The following MTSS1 variants were observed in gnomAD, a reference collection of about 807,000 sequenced individuals.
The protein encoded by MTSS1 is MTSS I-BAR domain containing 1.
A neutral mutation model predicts 79.0 loss-of-function variants in MTSS1; 18 were observed. The ratio of observed to expected loss-of-function variants is 0.23; its 90% confidence interval spans 0.16 to 0.34. The LOEUF (loss-of-function observed/expected upper bound fraction) is 0.34. Among genes scored for constraint, MTSS1 ranks in the 10% least tolerant of loss-of-function variants. The pLI is 1.00. For missense variants in MTSS1, 815 were observed against 986.2 expected (o/e 0.83, Z 2.33); for synonymous variants, 341 against 368.6 (o/e 0.93, Z 0.86).
intron 6 of MTSS1, among the ~76,000 whole-genome samples, chr8:124,570,994 G>T (rs1331012290): frequency 3.3e-5 from 5 of 152,088 alleles, no homozygotes; most frequent in Non-Finnish European, 2.9e-5. Flanking sequence ...TTTTCAAGGT[G>T]ACCCACTCAC....
intron 7 of MTSS1, 53 bp downstream of exon 7, chr8:124,568,326 A>G: frequency 6.4e-7 from 1 of 1,567,504 alleles, no homozygotes; most frequent in Non-Finnish European, 8.6e-7. Flanking sequence ...AATTAGAAGG[A>G]AGCCACCTCT....
chr8:124,658,018 C>T (rs935445241), intron 3 of MTSS1, among the ~76,000 whole-genome samples: 1 of 152,268 alleles, frequency 6.6e-6, no homozygotes, highest in Middle Eastern at 3.4e-3. Flanking sequence ...GATGATCTCT[C>T]CCTCCACCAC....
intron 1 of MTSS1, among the ~76,000 whole-genome samples, chr8:124,711,367 T>A (rs1831134446): frequency 6.6e-6 from 1 of 152,188 alleles, no homozygotes; most frequent in African/African-American, 2.4e-5. Flanking sequence ...GCTGTTATTT[T>A]AGAGCTGAGG....
intron 3 of MTSS1, among the ~76,000 whole-genome samples, chr8:124,663,536 T>C (rs1472192542): frequency 6.7e-6 from 1 of 149,894 alleles, no homozygotes; most frequent in African/African-American, 2.5e-5. Flanking sequence ...AGGTCAAGAG[T>C]AGAACCGTCC....
chr8:124,574,145 A>G (rs567307675), intron 6 of MTSS1, among the ~76,000 whole-genome samples: 1 of 152,198 alleles, frequency 6.6e-6, no homozygotes, highest in African/African-American at 2.4e-5. Context: ...GGGTTTTACT[A>G]TGTTGGCCAG....
chr8:124,715,537 G>T (rs948304775), intron 1 of MTSS1, among the ~76,000 whole-genome samples: 5 of 152,142 alleles, frequency 3.3e-5, no homozygotes, highest in African/African-American at 1.2e-4. Context: ...CCACGAAGCA[G>T]ATTTCCCCTT....
chr8:124,703,799 G>C (rs1056756162), intron 2 of MTSS1, among the ~76,000 whole-genome samples: 3 of 152,180 alleles, frequency 2.0e-5, no homozygotes, highest in Admixed American at 6.5e-5. Flanking sequence ...GGGGTTATGA[G>C]ATTTAAACAA....
Position 124,728,036 on chromosome 8 carries a change from G to A in MTSS1, c.-81C>T, listed in dbSNP as rs1285973816. 4 of 1,319,584 alleles carry A rather than the reference G, an allele frequency of 3.0e-6. No individual in the cohort carries two copies. The highest frequency in any genetic ancestry group is 3.2e-6 in the Non-Finnish European group (3 of 934,524). The allele number at this position is 1,319,584 out of a possible 1,614,324, so 81.7% of individuals were successfully genotyped here. A position where few individuals can be genotyped will look rare whatever the true frequency, so the allele number is the denominator to read the frequency against. On this transcript the variant is annotated 5_prime_UTR_variant, in exon 1 of 14. Coordinates refer to ENST00000518547, the MANE Select transcript of MTSS1 (RefSeq NM_014751.6). This position sits in a 1 kb window ranked among gnomAD's most constrained non-coding sequence, Gnocchi z 6.1. ...GGGCCGGGGCTCGCTCACCCCAGAA[G>A]GAATTTCACCTTCCGAGAGACCCAC...
chr8:124,694,231 A>G (rs1828427468), intron 3 of MTSS1, among the ~76,000 whole-genome samples: 1 of 152,050 alleles, frequency 6.6e-6, no homozygotes, highest in Admixed American at 6.6e-5. Context: ...AGCGGACGAC[A>G]CACTCCCTCT....
chr8:124,658,383 C>T (rs1821375807), intron 3 of MTSS1, among the ~76,000 whole-genome samples: 1 of 152,206 alleles, frequency 6.6e-6, no homozygotes, highest in African/African-American at 2.4e-5. Context: ...AAGTGCCTTT[C>T]ATCTTCTACC....
At chr8:124,630,083 G>T (rs1191876699) in intron 3 of MTSS1, among the ~76,000 whole-genome samples, 1 of 152,184 alleles carries the variant, frequency 6.6e-6, no homozygotes, top group African/African-American at 2.4e-5. Context: ...TTGTAAAATT[G>T]CTTAAAACTT....
chr8:124,558,127 T>C (rs1824421850), intron 10 of MTSS1: 1 of 416,450 alleles, frequency 2.4e-6, no homozygotes, highest in Non-Finnish European at 4.3e-6. Context: ...AGTTTGGAAA[T>C]TGATCAGTGC....
At chr8:124,643,863 G>A (rs1311460152) in intron 3 of MTSS1, among the ~76,000 whole-genome samples, 1 of 152,032 alleles carries the variant, frequency 6.6e-6, no homozygotes, top group Non-Finnish European at 1.5e-5. Context: ...CAAAATTACA[G>A]GTAACTTTTA....
chr8:124,629,182 A>C (rs1333202385), intron 3 of MTSS1, among the ~76,000 whole-genome samples: 2 of 152,194 alleles, frequency 1.3e-5, no homozygotes, highest in African/African-American at 4.8e-5. Context: ...GCTCGAATTA[A>C]GGAGATTAAG....
intron 3 of MTSS1, among the ~76,000 whole-genome samples, chr8:124,665,253 A>T (rs1369554508): frequency 6.6e-6 from 1 of 152,232 alleles, no homozygotes; most frequent in African/African-American, 2.4e-5. Flanking sequence ...TATCTTTGGA[A>T]TTCTTTAAAG....
intron 3 of MTSS1, among the ~76,000 whole-genome samples, chr8:124,638,803 G>A (rs1310304024): frequency 6.6e-6 from 1 of 152,192 alleles, no homozygotes; most frequent in Non-Finnish European, 1.5e-5. Context: ...AAAAGAATGA[G>A]GAGCAGAGGA....
At chr8:124,657,134 T>A (rs560600900) in intron 3 of MTSS1, among the ~76,000 whole-genome samples, 1 of 152,226 alleles carries the variant, frequency 6.6e-6, no homozygotes, top group Non-Finnish European at 1.5e-5. Context: ...ATTGTGGTTA[T>A]GGGTTGGTCT....
intron 1 of MTSS1, among the ~76,000 whole-genome samples, chr8:124,713,644 G>A (rs1831493312): frequency 6.6e-6 from 1 of 151,850 alleles, no homozygotes; most frequent in Non-Finnish European, 1.5e-5. Flanking sequence ...GGCTGGTTTC[G>A]AACTCCTGAC....
intron 3 of MTSS1, among the ~76,000 whole-genome samples, chr8:124,688,548 A>G (rs530983726): frequency 6.6e-6 from 1 of 152,204 alleles, no homozygotes; most frequent in Admixed American, 6.5e-5. Flanking sequence ...CCTTCCAAAG[A>G]GCTAAAAGAA....
Sources: gnomAD v4.1 joint callset for allele counts (sites outside exome capture counted in the v4.1 genomes callset) on GRCh38, gnomAD v4.1.1 for gene constraint, Gnocchi (gnomAD v3.1) non-coding constraint, MANE v1.5 for transcripts, NCBI Gene and HGNC (gene_info 2026-07-23, HGNC 2026-07-21) for gene names.